UBR4: variants seen among roughly 807,000 people sequenced by gnomAD.
UBR4 encodes the protein E3 ubiquitin-protein ligase UBR4.
In UBR4, 124 loss-of-function variants were observed where a neutral mutation model predicts 575.6. The ratio of observed to expected loss-of-function variants is 0.22; its 90% CI spans 0.19 to 0.25. The LOEUF (loss-of-function observed/expected upper bound fraction) is 0.25, where lower values mean the gene tolerates loss of function less well. UBR4 is among the 10% of genes least tolerant of loss of function. The probability of loss-of-function intolerance (pLI) is 1.00; values close to 1 mark genes in which losing one functional copy is unlikely to be tolerated. For synonymous variants in UBR4, 2,455 were observed against 2,473.7 expected (o/e 0.99, Z 0.22); for missense variants, 4,818 against 6,478.8 (o/e 0.74, Z 8.80).
rs2086675663 is a variant in UBR4 at position 19,157,901 on chromosome 1, G to A, written c.5674C>T (p.His1892Tyr). 1 of 1,614,248 alleles carries A rather than the reference G, an allele frequency of 6.2e-7. No homozygotes were observed. Among genetic ancestry groups the A allele is most frequent in the South Asian group, 1.1e-5 (1 of 91,092 alleles). The change falls in exon 40 of 106, where the codon CAT becomes TAT. Residue 1892 changes from histidine to tyrosine, a missense_variant. This residue lies in a region of UBR4 where 15 missense variants were observed against 60.6 expected (regional missense o/e 0.25). Coordinates refer to ENST00000375254, the MANE Select transcript of UBR4 (RefSeq NM_020765.3). The surrounding 1 kb of genome is among the most constrained non-coding windows in gnomAD (Gnocchi z 4.4). Reference protein sequence around the residue: ...GQTIRQLISAHVLRRVAMCVL... With the variant: ...GQTIRQLISAYVLRRVAMCVL... Reference sequence around the variant, plus strand: ...CACATAGCCACCCGCCTGAGCACATGAGCACTGATCAGCTGCCGGATGGTC... The same window carrying A: ...CACATAGCCACCCGCCTGAGCACATAAGCACTGATCAGCTGCCGGATGGTC...
At chr1:19,198,712 A>T in intron 4 of UBR4, 32 bp from the exon 5 acceptor site, 3 of 1,613,050 alleles carry the variant, frequency 1.9e-6, no homozygotes, top group Non-Finnish European at 2.5e-6. Context: ...AAAAGGGCTG[A>T]GGAAAGTGCC....
At chr1:19,076,574 G>T (rs2075963061) in intron 105 of UBR4, among the ~76,000 whole-genome samples, 166 bp downstream of exon 105, 1 of 152,194 alleles carries the variant, frequency 6.6e-6, no homozygotes, top group African/African-American at 2.4e-5. Context: ...CTCGTTATCG[G>T]TGACTTGCTA....
intron 17 of UBR4, among the ~76,000 whole-genome samples, chr1:19,182,287 C>T (rs746689452): frequency 2.0e-5 from 3 of 152,008 alleles, no homozygotes; most frequent in South Asian, 2.1e-4. Flanking sequence ...GTTCAAGCCC[C>T]GGCTTTCATT....
intron 90 of UBR4, among the ~76,000 whole-genome samples, chr1:19,098,646 G>A (rs925173013): frequency 1.3e-5 from 2 of 152,188 alleles, no homozygotes; most frequent in African/African-American, 2.4e-5. Flanking sequence ...GTGCAACAAC[G>A]ACCCCACTGG....
chr1:19,115,894 C>T (rs2080465182), intron 73 of UBR4, among the ~76,000 whole-genome samples: 1 of 152,152 alleles, frequency 6.6e-6, no homozygotes, highest in Non-Finnish European at 1.5e-5. Context: ...AGGAAAACAA[C>T]AGAAGTATAT....
At chr1:19,138,912 TCGAAAA>T (rs2083499318) in intron 59 of UBR4, among the ~76,000 whole-genome samples, 165 bp downstream of exon 59, 1 of 152,154 alleles carries the variant, frequency 6.6e-6, no homozygotes, top group Non-Finnish European at 1.5e-5. Context: ...CATTTGAAAC[TCGAAAA>T]CTGAGGCCAA....
At chr1:19,178,323 G>A (rs1311234477) in intron 18 of UBR4, among the ~76,000 whole-genome samples, 1 of 152,210 alleles carries the variant, frequency 6.6e-6, no homozygotes, top group Non-Finnish European at 1.5e-5. Context: ...GTAGCCAACT[G>A]TTTCCATTGC....
In UBR4 at chr1:19,170,805, A is replaced by G. The variant is rs1345086813; in HGVS notation, c.3600T>C (p.Ala1200=). 2 of 1,614,222 alleles carry G rather than the reference A, an allele frequency of 1.2e-6. No homozygotes were observed. Among genetic ancestry groups the G allele is most frequent in the South Asian group, 2.2e-5 (2 of 91,084 alleles). ...PSKEKLQGFA[A]VLAIGSSRCK... is the part of the protein sequence containing the mutation. The stretch of plus-strand genomic sequence containing the variant: ...ACCTGCTAGAGCCAATAGCCAAAAC[A>G]GCAGCAAAGCCTTGCAGTTTCTCCT... The change falls in exon 26 of 106, where the codon GCT becomes GCC. Residue 1200 remains alanine (A), a synonymous_variant. Transcript: ENST00000375254.
Position 19,097,268 on chromosome 1 carries a change from T to C in UBR4, c.13315A>G (p.Arg4439Gly). 1 of 1,613,410 alleles carries C rather than the reference T, an allele frequency of 6.2e-7. No individual in the cohort carries two copies. The highest frequency in any genetic ancestry group is 1.1e-5 in the South Asian group (1 of 91,006). ...AGCCCCCGCATACGATAAACAATCCTCATGGGCTCTCCCTGAGCAGAGAAA... is the reference window on the plus strand; with the variant it reads ...AGCCCCCGCATACGATAAACAATCCCCATGGGCTCTCCCTGAGCAGAGAAA... ...WCTTNEGEPMRIVYRMRGLLG... is the reference protein window; with the variant it reads ...WCTTNEGEPMGIVYRMRGLLG... Residue 4439 changes from arginine to glycine, a missense_variant, in exon 91 of 106, where the codon AGG becomes GGG. By Grantham distance (125) the Arg-to-Gly change is moderately radical. Transcript: ENST00000375254.
At chr1:19,163,655 T>C (rs2087777365) in intron 34 of UBR4, 109 bp downstream of exon 34, 19 of 1,182,026 alleles carry the variant, frequency 1.6e-5, no homozygotes, top group Non-Finnish European at 2.4e-5. Context: ...TTATCCTTGG[T>C]AGGCTAGCCA....
chr1:19,110,735 G>T lies in UBR4; in HGVS notation c.11892+7C>A. On this transcript the variant is annotated splice_region_variant and intron_variant, in intron 79 of 105. Transcript: ENST00000375254. This position sits in a 1 kb window ranked among gnomAD's most constrained non-coding sequence, Gnocchi z 4.5. ...AGAGGACAGCTGGGCCTGCTAGGCC[G>T]GCTCACCAGATCGGGGTTGGCCCAG... 2 of 1,613,924 alleles carry T rather than the reference G, an allele frequency of 1.2e-6. No individual in the cohort carries two copies. The highest frequency in any genetic ancestry group is 1.7e-6 in the Non-Finnish European group (2 of 1,179,938).
At chr1:19,096,879 G>T (rs1044423597) in intron 91 of UBR4, among the ~76,000 whole-genome samples, 1 of 152,076 alleles carries the variant, frequency 6.6e-6, no homozygotes, top group Non-Finnish European at 1.5e-5. Flanking sequence ...TTACTCAAAT[G>T]TCAAAGTATG....
Position 19,084,646 on chromosome 1 carries a change from G to A in UBR4, c.14866C>T (p.Leu4956Phe). The stretch of plus-strand genomic sequence containing the variant: ...AGCAGTTTGATGTCATGGATGTTGA[G>A]CTGATACGTGGGCTCCCGCTGGCCT... The part of the protein sequence containing the change: ...CTGQREPTYQ[L>F]NIHDIKLLFL... The change falls in exon 102 of 106, where the codon CTC becomes TTC. Residue 4956 changes from leucine (L) to phenylalanine (F), a missense_variant. Transcript: ENST00000375254. The A allele has an allele frequency of 6.2e-7, 1 of 1,614,138 alleles. No homozygotes were observed. The highest frequency in any genetic ancestry group is 1.3e-5 in the African/African-American group (1 of 75,074).
intron 75 of UBR4, among the ~76,000 whole-genome samples, chr1:19,114,606 C>CT (rs1192103586): frequency 2.0e-5 from 3 of 152,242 alleles, no homozygotes; most frequent in Non-Finnish European, 4.4e-5. Context: ...CCAATCAACA[C>CT]TTTTCTAAAA....
rs749712613 is a variant in UBR4, at chr1:19,185,111, T to C, written c.1926A>G (p.Lys642=). 2 of 1,614,204 alleles carry C rather than the reference T, an allele frequency of 1.2e-6. No individual in the cohort carries two copies. The change falls in exon 15 of 106, where the codon AAA becomes AAG. Residue 642 remains lysine (K), a synonymous_variant. Coordinates refer to ENST00000375254, the MANE Select transcript of UBR4 (RefSeq NM_020765.3). ...AACCTACTCTTACCAACTCAGGATC[T>C]TTGCGACTCGCCAGAATGTTGCCCT... ...GEKGNILASR[K]DPELFLGLAS...
At position 19,105,059 on chromosome 1, in the gene UBR4, G is replaced by C. The variant is rs2079039640; in HGVS notation, c.12634C>G (p.Leu4212Val). Residue 4212 changes from leucine to valine, a missense_variant, in exon 85 of 106, where the codon CTC (leucine) becomes GTC (valine). Coordinates refer to ENST00000375254, the MANE Select transcript of UBR4 (RefSeq NM_020765.3). The part of the protein sequence containing the change: ...ARGVLPYVGN[L>V]ITKEIARLLA... ...ATAGGGTAGGATACCTTGGTGATGA[G>C]GTTGCCCACATAGGGTAGGACTCCC... is the stretch of plus-strand genomic sequence containing the variant. 2 of 1,613,744 alleles carry C rather than the reference G, an allele frequency of 1.2e-6. No homozygotes were observed. Among genetic ancestry groups the C allele is most frequent in the Admixed American group, 3.3e-5 (2 of 59,970 alleles).
chr1:19,088,235 A>G lies in UBR4; in HGVS notation c.14431-306T>C, dbSNP rs1570291503. 6.6e-6 allele frequency among the ~76,000 whole-genome samples: 1 copy of G among 152,250 alleles called. No homozygotes were observed. The highest frequency in any genetic ancestry group is 2.4e-5 in the African/African-American group (1 of 41,470). On this transcript the variant is annotated intron_variant, in intron 98 of 105. Transcript: ENST00000375254. The surrounding 1 kb of genome is among the most constrained non-coding windows in gnomAD (Gnocchi z 4.0). ...CTTCGTGCCAGCAATGCCAAGTCTCAGCTTCCAAGGGTTGTTGCACTATGA... is the reference window on the plus strand; with the variant it reads ...CTTCGTGCCAGCAATGCCAAGTCTCGGCTTCCAAGGGTTGTTGCACTATGA...
rs138183667 is a variant in UBR4 at position 19,127,779 on chromosome 1, C to T, written c.9112-40G>A. The stretch of plus-strand genomic sequence containing the variant: ...GTAAGTCCAGAAACCTCTACTTACT[C>T]GATGCTTGAGGCATCCTCTGAACAA... On this transcript the variant is annotated intron_variant, in intron 62 of 105. Transcript: ENST00000375254. The T allele has an allele frequency of 4.2e-4, 656 of 1,543,940 alleles. 3 individuals carry two copies. The African/African-American group carries it at 7.4e-3, about 17-fold the overall frequency.
intron 55 of UBR4, among the ~76,000 whole-genome samples, chr1:19,142,985 G>A (rs1012021019): frequency 2.6e-5 from 4 of 151,658 alleles, no homozygotes; most frequent in Admixed American, 6.6e-5. Flanking sequence ...AGCTGGGCAC[G>A]GTGGCACGCG....
Sources: allele counts gnomAD v4.1 joint callset (sites outside exome capture counted in the v4.1 genomes callset), GRCh38; gene constraint gnomAD v4.1.1; regional missense constraint gnomAD v4.1.1; non-coding constraint Gnocchi (gnomAD v3.1); transcripts MANE v1.5; gene names NCBI Gene and HGNC (gene_info 2026-07-23, HGNC 2026-07-21).